SORCS1: variants seen among roughly 807,000 people sequenced by gnomAD.
SORCS1 encodes the protein sortilin related VPS10 domain containing receptor 1, also known as VPS10 domain-containing receptor SorCS1.
Under a neutral mutation model 146.1 loss-of-function variants are expected in SORCS1, and 60 were observed. The observed-to-expected ratio is 0.41, with a 90% CI of 0.33 to 0.51. The LOEUF is 0.51. Among genes scored for constraint, SORCS1 ranks in the 20% least tolerant of loss-of-function variants. The pLI is 0.21. For synonymous variants in SORCS1, 637 were observed against 584.0 expected (o/e 1.09, Z -1.31); for missense variants, 1,352 against 1,487.6 (o/e 0.91, Z 1.50).
chr10:106,614,344 T>C (rs1387210274), intron 21 of SORCS1, among the ~76,000 whole-genome samples: 1 of 152,220 alleles, frequency 6.6e-6, no homozygotes, highest in African/African-American at 2.4e-5. Context: ...GCACAAAAGT[T>C]CACTTGTACA....
chr10:106,760,823 C>A (rs1859050798), intron 5 of SORCS1, among the ~76,000 whole-genome samples: 1 of 151,912 alleles, frequency 6.6e-6, no homozygotes, highest in Admixed American at 6.6e-5. Flanking sequence ...AAGGGGAAGG[C>A]CGGCCAGGCA....
At chr10:106,662,570 T>C (rs576158774) in intron 17 of SORCS1, among the ~76,000 whole-genome samples, 268 of 152,280 alleles carry the variant, frequency 1.8e-3, no homozygotes, top group African/African-American at 6.3e-3. Context: ...CTGAGGCTAA[T>C]ACAGATTCTG....
chr10:106,743,133 A>T (rs1857475862), intron 5 of SORCS1, among the ~76,000 whole-genome samples: 1 of 152,134 alleles, frequency 6.6e-6, no homozygotes, highest in South Asian at 2.1e-4. Context: ...TTTTGAAAAT[A>T]TCTCAATGTG....
chr10:106,883,040 C>CATTCATT (rs1243020474), intron 2 of SORCS1, among the ~76,000 whole-genome samples: 7 of 152,258 alleles, frequency 4.6e-5, no homozygotes, highest in African/African-American at 1.7e-4. Flanking sequence ...TGTTGAAAGA[C>CATTCATT]CTAGAAGAGG....
chr10:106,783,011 T>C (rs920473424), intron 3 of SORCS1, among the ~76,000 whole-genome samples: 1 of 152,236 alleles, frequency 6.6e-6, no homozygotes. Context: ...AAAGGTAAGC[T>C]ACAATCACAA....
At chr10:106,711,375 T>C (rs1854975447) in intron 6 of SORCS1, among the ~76,000 whole-genome samples, 1 of 152,138 alleles carries the variant, frequency 6.6e-6, no homozygotes, top group Admixed American at 6.5e-5. Flanking sequence ...TGGGGAATAG[T>C]ATGTAGAGAT....
intron 3 of SORCS1, among the ~76,000 whole-genome samples, chr10:106,824,374 G>A (rs1014416411): frequency 2.6e-5 from 4 of 151,392 alleles, no homozygotes; most frequent in Non-Finnish European, 4.4e-5. Context: ...GGTGGATCAT[G>A]AGGTCAGGAG....
chr10:106,761,136 G>T (rs1313902388), intron 5 of SORCS1, among the ~76,000 whole-genome samples: 2 of 151,706 alleles, frequency 1.3e-5, no homozygotes, highest in African/African-American at 4.8e-5. Flanking sequence ...ACAAGGAGAA[G>T]GCCTACAAGA....
intron 2 of SORCS1, among the ~76,000 whole-genome samples, chr10:106,865,315 G>T (rs1052097449): frequency 1.3e-5 from 2 of 152,228 alleles, no homozygotes; most frequent in Admixed American, 1.3e-4. Flanking sequence ...GGGGCAGGCA[G>T]CCATGTTTGT....
At chr10:106,702,102 A>G (rs1854178256) in intron 8 of SORCS1, among the ~76,000 whole-genome samples, 1 of 152,220 alleles carries the variant, frequency 6.6e-6, no homozygotes, top group Admixed American at 6.5e-5. Context: ...AACCAGGAGA[A>G]GCTATACCCA....
intron 18 of SORCS1, among the ~76,000 whole-genome samples, chr10:106,629,680 T>C (rs1848319317): frequency 6.6e-6 from 1 of 152,246 alleles, no homozygotes; most frequent in Non-Finnish European, 1.5e-5. Flanking sequence ...TGATATTCAA[T>C]TCCTCCAAAG....
intron 1 of SORCS1, among the ~76,000 whole-genome samples, chr10:106,964,074 G>C (rs1190364339): frequency 6.6e-6 from 1 of 152,188 alleles, no homozygotes; most frequent in Non-Finnish European, 1.5e-5. Flanking sequence ...GGTATACAAA[G>C]GGTACTGCAA....
chr10:106,658,632 G>A (rs1446208799), intron 17 of SORCS1, among the ~76,000 whole-genome samples: 1 of 152,202 alleles, frequency 6.6e-6, no homozygotes, highest in African/African-American at 2.4e-5. Context: ...GCTAATTCTT[G>A]ATAGAGTATG....
intron 1 of SORCS1, among the ~76,000 whole-genome samples, chr10:107,120,260 C>T (rs553406018): frequency 2.0e-4 from 31 of 152,200 alleles, no homozygotes; most frequent in African/African-American, 7.5e-4. Context: ...ATGTATCATA[C>T]ATTATACATC....
chr10:106,617,505 AT>A (rs11352515), intron 21 of SORCS1, among the ~76,000 whole-genome samples: 38,429 of 151,950 alleles, frequency 0.25, 5,937 homozygotes, highest in East Asian at 0.53. Flanking sequence ...TCCATCAAGT[AT>A]TTTTTTTATT....
upstream of SORCS1, among the ~76,000 whole-genome samples, chr10:107,169,493 T>C (rs922694409): frequency 5.3e-5 from 8 of 152,198 alleles, no homozygotes; most frequent in Non-Finnish European, 1.2e-4. Flanking sequence ...ATAAGCCCTC[T>C]TATCTTTAAA....
At chr10:106,817,001 C>T (rs1440743230) in intron 3 of SORCS1, among the ~76,000 whole-genome samples, 1 of 152,020 alleles carries the variant, frequency 6.6e-6, no homozygotes, top group African/African-American at 2.4e-5. Context: ...GGCTTGGGCC[C>T]AAGGAACAAA....
At chr10:106,773,016 C>A (rs1285242957) in intron 4 of SORCS1, among the ~76,000 whole-genome samples, 1 of 152,046 alleles carries the variant, frequency 6.6e-6, no homozygotes, top group Non-Finnish European at 1.5e-5. Context: ...CTTAAAAAAA[C>A]AAGGAAGCCA....
chr10:107,123,077 CA>C (rs35115429), intron 1 of SORCS1, among the ~76,000 whole-genome samples: 11,399 of 79,028 alleles, frequency 0.14, 819 homozygotes, highest in East Asian at 0.43. Context: ...GACAAACTGG[CA>C]AAAAAAAAAA....
Sources: allele counts gnomAD v4.1 joint callset (sites outside exome capture counted in the v4.1 genomes callset), GRCh38; gene constraint gnomAD v4.1.1; transcripts MANE v1.5; gene names NCBI Gene and HGNC (gene_info 2026-07-23, HGNC 2026-07-21).